Variants in ADAMTS6 observed in about 807,000 individuals in gnomAD.
ADAMTS6 encodes the protein ADAM metallopeptidase with thrombospondin type 1 motif 6.
ADAMTS6 carries 23 observed loss-of-function variants against 144.3 expected under a neutral mutation model. The ratio of observed to expected loss-of-function variants is 0.16; its 90% CI spans 0.11 to 0.23. The LOEUF is 0.23. Ranked by LOEUF, ADAMTS6 falls within the 10% of genes least tolerant of loss-of-function variation. The pLI, the probability that ADAMTS6 is intolerant of heterozygous loss-of-function variation, is 1.00. For synonymous variants in ADAMTS6, 444 were observed against 457.5 expected (o/e 0.97, Z 0.38); for missense variants, 999 against 1,379.6 (o/e 0.72, Z 4.37).
chr5:65,473,570 A>C lies in ADAMTS6; in HGVS notation c.97+7T>G. The C allele has an allele frequency of 6.2e-7, 1 of 1,606,054 alleles. No homozygotes were observed. The highest frequency in any genetic ancestry group is 8.5e-7 in the Non-Finnish European group (1 of 1,175,490). ...TTTTTTGTCAGTTTCAAAAGCAAGAATCCTACCTTGAGAACTGTATGAAAG... is the reference window on the plus strand; with the variant it reads ...TTTTTTGTCAGTTTCAAAAGCAAGACTCCTACCTTGAGAACTGTATGAAAG... On this transcript the variant is annotated splice_region_variant and intron_variant, in intron 2 of 24. Coordinates refer to ENST00000381055, the MANE Select transcript of ADAMTS6 (RefSeq NM_197941.4).
chr5:65,223,892 T>C (rs895722566), intron 18 of ADAMTS6, among the ~76,000 whole-genome samples: 3 of 151,218 alleles, frequency 2.0e-5, no homozygotes, highest in African/African-American at 4.9e-5. Context: ...CTCTGCCTCC[T>C]GGGTTCACGT....
In ADAMTS6 at chr5:65,173,158, T is replaced by G. The variant is rs939360892; in HGVS notation, c.2911-150A>C. ...AAAGTCTCTCAGATACAACGTTCCT[T>G]AAAAGTTTTGAAGCAGAGGTACTTT... On this transcript the variant is annotated intron_variant, in intron 22 of 24. Coordinates refer to ENST00000381055, the MANE Select transcript of ADAMTS6 (RefSeq NM_197941.4). The G allele has an allele frequency of 4.0e-6, 3 of 755,946 alleles. No individual in the cohort carries two copies. In the African/African-American group the frequency reaches 5.3e-5, roughly 13 times the overall value. The allele number at this position is 755,946 out of a possible 1,614,324, so 46.8% of individuals were successfully genotyped here. A position where few individuals can be genotyped will look rare whatever the true frequency, so the allele number is the denominator to read the frequency against.
intron 10 of ADAMTS6, among the ~76,000 whole-genome samples, chr5:65,292,203 T>C (rs7725494): frequency 6.6e-6 from 1 of 152,072 alleles, no homozygotes; most frequent in South Asian, 2.1e-4. Context: ...AATACCTTAG[T>C]TTAAAGAGCT....
intron 9 of ADAMTS6, among the ~76,000 whole-genome samples, chr5:65,326,611 T>C (rs1746198931): frequency 6.6e-6 from 1 of 152,220 alleles, no homozygotes; most frequent in South Asian, 2.1e-4. Context: ...CTCTTCTCAG[T>C]AGTTTATGGT....
chr5:65,440,967 C>T (rs1317828698), intron 7 of ADAMTS6, among the ~76,000 whole-genome samples: 1 of 152,110 alleles, frequency 6.6e-6, no homozygotes, highest in African/African-American at 2.4e-5. Flanking sequence ...TAAAATAACA[C>T]AATGTCAGGC....
At chr5:65,351,457 G>C (rs1313611424) in intron 7 of ADAMTS6, among the ~76,000 whole-genome samples, 1 of 152,050 alleles carries the variant, frequency 6.6e-6, no homozygotes, top group Non-Finnish European at 1.5e-5. Context: ...AAAATCTTGG[G>C]GAATCACAAT....
chr5:65,293,450 A>T (rs910701670), intron 10 of ADAMTS6, among the ~76,000 whole-genome samples: 5 of 152,108 alleles, frequency 3.3e-5, no homozygotes, highest in Non-Finnish European at 7.4e-5. Context: ...ACACCAACTT[A>T]TTTTATTTAA....
chr5:65,334,013 A>AC, intron 8 of ADAMTS6, 29 bp downstream of exon 8: 4 of 1,399,530 alleles, frequency 2.9e-6, no homozygotes, highest in South Asian at 1.7e-5. Context: ...AAAAAAAAAA[A>AC]AAAAAAAAAA....
intron 15 of ADAMTS6, among the ~76,000 whole-genome samples, chr5:65,235,169 T>C (rs1018834820): frequency 6.6e-6 from 1 of 152,296 alleles, no homozygotes; most frequent in East Asian, 1.9e-4. Context: ...GAATAATGTA[T>C]AGTATACTTT....
chr5:65,231,413 T>A (rs1393329820), intron 15 of ADAMTS6, among the ~76,000 whole-genome samples: 1 of 151,970 alleles, frequency 6.6e-6, no homozygotes, highest in Non-Finnish European at 1.5e-5. Flanking sequence ...ATGAGAGAAA[T>A]AGAAAGCAAT....
intron 9 of ADAMTS6, among the ~76,000 whole-genome samples, chr5:65,317,528 C>T (rs867428038): frequency 1.3e-5 from 2 of 152,098 alleles, no homozygotes; most frequent in African/African-American, 4.8e-5. Flanking sequence ...ATCCCACAAG[C>T]TAGGCAACCA....
intron 4 of ADAMTS6, among the ~76,000 whole-genome samples, chr5:65,454,312 A>C (rs930803673): frequency 4.6e-5 from 7 of 152,202 alleles, no homozygotes; most frequent in African/African-American, 1.7e-4. Flanking sequence ...AGGATGGATA[A>C]ATTTTGAGAA....
chr5:65,478,977 T>C (rs1761027532), intron 1 of ADAMTS6, among the ~76,000 whole-genome samples: 1 of 152,212 alleles, frequency 6.6e-6, no homozygotes, highest in Non-Finnish European at 1.5e-5. Context: ...CTTGTCTTTT[T>C]TCCTCTATCA....
rs1760646437 is a variant in ADAMTS6, at chr5:65,473,763, C to A, written c.-90G>T. On this transcript the variant is annotated 5_prime_UTR_variant, in exon 2 of 25. Transcript: ENST00000381055. ...AAATCGAAGCATAACAATTTTATTT[C>A]TTTAAAACTTCTTGCAAATTAGTTA... 2.0e-6 allele frequency: 2 copies of A among 998,646 alleles called. No homozygotes were observed. The highest frequency in any genetic ancestry group is 2.1e-5 in the Admixed American group (1 of 48,412). 61.9% of individuals were successfully genotyped at this position (998,646 alleles called of 1,614,324 possible). A position where few individuals can be genotyped will look rare whatever the true frequency, so the allele number is the denominator to read the frequency against.
chr5:65,363,178 C>T (rs947038687), intron 7 of ADAMTS6, among the ~76,000 whole-genome samples: 9 of 152,082 alleles, frequency 5.9e-5, no homozygotes, highest in Admixed American at 2.0e-4. Flanking sequence ...ATATAATTCT[C>T]ACGTAAATAA....
intron 10 of ADAMTS6, among the ~76,000 whole-genome samples, chr5:65,294,003 T>G (rs1291527643): frequency 6.6e-6 from 1 of 152,194 alleles, no homozygotes; most frequent in East Asian, 1.9e-4. Context: ...TTGAAATGGA[T>G]TTGGCTATAT....
chr5:65,236,815 A>G (rs955014633), intron 15 of ADAMTS6, among the ~76,000 whole-genome samples: 2 of 152,114 alleles, frequency 1.3e-5, no homozygotes, highest in Non-Finnish European at 2.9e-5. Context: ...TAACTATAAG[A>G]GCAAAAATTA....
chr5:65,202,406 T>C (rs569546829), intron 20 of ADAMTS6, among the ~76,000 whole-genome samples: 1 of 152,318 alleles, frequency 6.6e-6, no homozygotes, highest in East Asian at 1.9e-4. Flanking sequence ...TTAAGAGTAA[T>C]CTTTTCCATA....
At chr5:65,345,880 T>C (rs895437779) in intron 7 of ADAMTS6, among the ~76,000 whole-genome samples, 7 of 151,898 alleles carry the variant, frequency 4.6e-5, no homozygotes, top group African/African-American at 9.7e-5. Context: ...TTCAAATCTA[T>C]CTTATACAGT....
Sources: gnomAD v4.1 joint callset for allele counts (sites outside exome capture counted in the v4.1 genomes callset) on GRCh38, gnomAD v4.1.1 for gene constraint, MANE v1.5 for transcripts, NCBI Gene and HGNC (gene_info 2026-07-23, HGNC 2026-07-21) for gene names.